The following CNTN5 variants were observed in gnomAD, a reference collection of about 807,000 sequenced individuals.
CNTN5 encodes the protein contactin-5.
CNTN5 carries 77 observed loss-of-function variants against 129.1 expected under a neutral mutation model. The observed-to-expected ratio is 0.60, with a 90% CI of 0.50 to 0.72. The LOEUF (loss-of-function observed/expected upper bound fraction) is 0.72. Among genes scored for constraint, CNTN5 ranks in the 30% least tolerant of loss-of-function variants. CNTN5 has a pLI of 0.00. For synonymous variants in CNTN5, 509 were observed against 465.6 expected, an observed-to-expected ratio of 1.09 and a Z score of -1.20; for missense variants, 1,478 against 1,328.8, an observed-to-expected ratio of 1.11 and a Z score of -1.75.
chr11:99,849,383 A>G (rs1356879479), intron 6 of CNTN5, among the ~76,000 whole-genome samples: 1 of 151,932 alleles, frequency 6.6e-6, no homozygotes, highest in African/African-American at 2.4e-5. Context: ...ATATACACAT[A>G]TGCATAATTA....
intron 1 of CNTN5, among the ~76,000 whole-genome samples, chr11:99,084,270 T>C (rs1865913434): frequency 6.6e-6 from 1 of 152,224 alleles, no homozygotes; most frequent in African/African-American, 2.4e-5. Context: ...TCAAACAGTA[T>C]AGCAGTTGGT....
rs944377756 is a variant in CNTN5, at chr11:99,348,404, G to A, written c.-71+22920G>A. 2.0e-5 allele frequency among the ~76,000 whole-genome samples: 3 copies of A among 152,112 alleles called. No individual in the cohort carries two copies. In the South Asian group the frequency reaches 6.2e-4, roughly 31 times the overall value. ...AAGTATGACTGGTTGAAACTTTAAG[G>A]CCTAGAACATATTGATAACTCTTCT... On this transcript the variant is annotated intron_variant, in intron 2 of 24. Transcript: ENST00000524871.
At chr11:99,953,882 T>G (rs1950734388) in intron 7 of CNTN5, among the ~76,000 whole-genome samples, 1 of 152,218 alleles carries the variant, frequency 6.6e-6, no homozygotes, top group African/African-American at 2.4e-5. Flanking sequence ...TTGTTGCAAT[T>G]GCTTTTGGTG....
intron 23 of CNTN5, among the ~76,000 whole-genome samples, chr11:100,344,452 C>CA (rs1169519577): frequency 6.6e-6 from 1 of 151,976 alleles, no homozygotes; most frequent in African/African-American, 2.4e-5. Context: ...AACTGGATCT[C>CA]ATAAAGATAG....
At chr11:100,251,440 T>C (rs555609814) in intron 16 of CNTN5, among the ~76,000 whole-genome samples, 2 of 152,242 alleles carry the variant, frequency 1.3e-5, no homozygotes, top group African/African-American at 4.8e-5. Context: ...ACATTCAATA[T>C]CCTCATTCTT....
intron 13 of CNTN5, among the ~76,000 whole-genome samples, chr11:100,152,024 C>T (rs1947077130): frequency 6.6e-6 from 1 of 152,158 alleles, no homozygotes; most frequent in Non-Finnish European, 1.5e-5. Flanking sequence ...ATGACCTTAA[C>T]CACGTCTCCT....
intron 1 of CNTN5, among the ~76,000 whole-genome samples, chr11:99,230,873 T>G (rs946566521): frequency 6.6e-6 from 1 of 152,174 alleles, no homozygotes; most frequent in East Asian, 1.9e-4. Flanking sequence ...TCTCATTGTT[T>G]AGTTCCCACT....
Position 99,820,113 on chromosome 11 carries a change from G to A in CNTN5, c.277+348G>A, listed in dbSNP as rs536861644. Among the ~76,000 whole-genome samples the A allele has an allele frequency of 2.6e-5, 4 of 152,140 alleles. No homozygotes were observed. In the East Asian group the frequency reaches 7.7e-4, roughly 29 times the overall value. ...CAGGCCTTGAGACAGACACTACTGG[G>A]TTATAAAAATGACAAGAGCCTGTGT... On this transcript the variant is annotated intron_variant, in intron 4 of 24. Transcript: ENST00000524871.
intron 3 of CNTN5, among the ~76,000 whole-genome samples, chr11:99,818,863 A>G (rs578250333): frequency 1.3e-5 from 2 of 152,136 alleles, no homozygotes; most frequent in Non-Finnish European, 2.9e-5. Context: ...ACTTAATAGT[A>G]TTAATCTGTA....
In CNTN5 at chr11:99,755,670, C is replaced by T. The variant is rs140202061; in HGVS notation, c.56-63874C>T. On this transcript the variant is annotated intron_variant, in intron 3 of 24. Coordinates refer to ENST00000524871, the MANE Select transcript of CNTN5 (RefSeq NM_014361.4). ...TTTCTTCCAGTCTGTGGTTTATATTCTCACTTTCCTGCAAGTGTCTTTCAT... is the reference window on the plus strand; with the variant it reads ...TTTCTTCCAGTCTGTGGTTTATATTTTCACTTTCCTGCAAGTGTCTTTCAT... Among the ~76,000 whole-genome samples, 633 of 151,962 alleles carry T rather than the reference C, an allele frequency of 4.2e-3. 2 individuals are homozygous for T. Among genetic ancestry groups the T allele is most frequent in the Middle Eastern group, 6.8e-3 (2 of 294 alleles).
At chr11:99,322,537 T>G (rs1865615849) in intron 1 of CNTN5, among the ~76,000 whole-genome samples, 1 of 152,156 alleles carries the variant, frequency 6.6e-6, no homozygotes, top group Admixed American at 6.5e-5. Context: ...TGTCTTGAAG[T>G]TACTATGTTG....
chr11:99,430,252 A>T (rs1261412918), intron 2 of CNTN5, among the ~76,000 whole-genome samples: 1 of 152,090 alleles, frequency 6.6e-6, no homozygotes, highest in Non-Finnish European at 1.5e-5. Context: ...AATGGAACAG[A>T]GAAATTAAGC....
chr11:100,063,400 T>C (rs914811221), intron 10 of CNTN5, among the ~76,000 whole-genome samples: 1 of 151,888 alleles, frequency 6.6e-6, no homozygotes, highest in Non-Finnish European at 1.5e-5. Flanking sequence ...AAAATCTAGA[T>C]TGTTCCTTAG....
chr11:99,847,693 C>T (rs1396626044), intron 6 of CNTN5, among the ~76,000 whole-genome samples: 2 of 151,998 alleles, frequency 1.3e-5, no homozygotes, highest in East Asian at 1.9e-4. Flanking sequence ...TCTATTTTTC[C>T]AGTTTATCTT....
chr11:100,109,786 T>G (rs931442020), intron 13 of CNTN5, among the ~76,000 whole-genome samples: 1 of 152,160 alleles, frequency 6.6e-6, no homozygotes, highest in East Asian at 1.9e-4. Flanking sequence ...AATATCGGCT[T>G]TATTCACCTT....
At chr11:99,897,542 C>T (rs1949239567) in intron 6 of CNTN5, among the ~76,000 whole-genome samples, 1 of 151,948 alleles carries the variant, frequency 6.6e-6, no homozygotes, top group South Asian at 2.1e-4. Flanking sequence ...TATATTACTA[C>T]AAACTAAGCT....
intron 7 of CNTN5, 132 bp from the exon 8 acceptor site, chr11:99,956,674 A>G: frequency 1.6e-6 from 1 of 625,210 alleles, no homozygotes. Context: ...ATACTAAATT[A>G]TATAGATACA....
At chr11:99,369,701 C>T (rs1012818125) in intron 2 of CNTN5, among the ~76,000 whole-genome samples, 4 of 151,930 alleles carry the variant, frequency 2.6e-5, no homozygotes, top group Non-Finnish European at 5.9e-5. Context: ...ATCCCATAGT[C>T]CTTATTATTT....
At chr11:99,484,287 A>G (rs1481857917) in intron 2 of CNTN5, among the ~76,000 whole-genome samples, 3 of 152,140 alleles carry the variant, frequency 2.0e-5, no homozygotes, top group African/African-American at 7.2e-5. Context: ...AAGCTCAACA[A>G]CACCAGTCAT....
Sources: allele counts gnomAD v4.1 joint callset (sites outside exome capture counted in the v4.1 genomes callset), GRCh38; gene constraint gnomAD v4.1.1; transcripts MANE v1.5; gene names NCBI Gene and HGNC (gene_info 2026-07-23, HGNC 2026-07-21).